KRT72: variants seen among roughly 807,000 people sequenced by gnomAD.
KRT72 encodes the protein keratin, type II cytoskeletal 72.
KRT72 carries 44 observed loss-of-function variants against 44.7 expected under a neutral mutation model. The observed-to-expected ratio is 0.98, with a 90% CI of 0.77 to 1.27. The LOEUF (loss-of-function observed/expected upper bound fraction) is 1.27, where lower values mean the gene tolerates loss of function less well. Among genes scored for constraint, KRT72 ranks in the 50% most tolerant of loss-of-function variants. The pLI is 0.00. For missense variants in KRT72, 736 were observed against 667.1 expected, an observed-to-expected ratio of 1.10 and a Z score of -1.14; for synonymous variants, 302 against 280.4, an observed-to-expected ratio of 1.08 and a Z score of -0.77.
At position 52,587,782 on chromosome 12, in the gene KRT72, C is replaced by A; in HGVS notation, c.1159G>T (p.Ala387Ser). Residue 387 changes from alanine to serine, a missense_variant, in exon 7 of 9, where the codon GCC (alanine) becomes TCC (serine). Transcript: ENST00000293745. ...GCGCCCTCCAGCTCATCCAGCTTGGCCCGGGCATCTTTCAGGGCGCAGTCC... is the reference window on the plus strand; with the variant it reads ...GCGCCCTCCAGCTCATCCAGCTTGGACCGGGCATCTTTCAGGGCGCAGTCC... The part of the protein sequence containing the change: ...RGDCALKDAR[A>S]KLDELEGALH... 1.1e-5 allele frequency: 18 copies of A among 1,614,048 alleles called. No individual in the cohort carries two copies. The highest frequency in any genetic ancestry group is 1.5e-5 in the Non-Finnish European group (18 of 1,180,028).
intron 1 of KRT72, among the ~76,000 whole-genome samples, chr12:52,600,656 A>T (rs1940401085): frequency 6.6e-6 from 1 of 151,440 alleles, no homozygotes; most frequent in African/African-American, 2.4e-5. Context: ...GCCATATAAG[A>T]CGTGACTTTG....
At chr12:52,590,813 T>C (rs1565616541) in intron 6 of KRT72, 23 bp downstream of exon 6, 2 of 1,558,158 alleles carry the variant, frequency 1.3e-6, no homozygotes, top group South Asian at 2.4e-5. Flanking sequence ...ATACTGTTAG[T>C]GGATTAATTT....
At position 52,586,147 on chromosome 12, in the gene KRT72, C is replaced by T. The variant is rs756396661; in HGVS notation, c.1371G>A (p.Gly457=). 7.6e-5 allele frequency: 122 copies of T among 1,613,906 alleles called. No individual in the cohort carries two copies. Among genetic ancestry groups the T allele is most frequent in the Non-Finnish European group, 1.0e-4 (121 of 1,179,994 alleles). The change falls in exon 9 of 9, where the codon GGG becomes GGA. Residue 457 remains glycine, a synonymous_variant. Coordinates refer to ENST00000293745, the MANE Select transcript of KRT72 (RefSeq NM_080747.3). ...CCATGCTGAAGCCAGCCCCTCCTGC[C>T]CCAGCATTGGTGCTGCTGATGACGG... The part of the protein sequence containing the change: ...SISVISSTNA[G]AGGAGFSMGF...
chr12:52,594,386 T>C (rs1228972140), intron 2 of KRT72, among the ~76,000 whole-genome samples: 2 of 152,158 alleles, frequency 1.3e-5, no homozygotes, highest in African/African-American at 4.8e-5. Flanking sequence ...TAGACTGGAT[T>C]AAGAAAATGC....
intron 4 of KRT72, among the ~76,000 whole-genome samples, chr12:52,592,175 G>A (rs139181001): frequency 6.1e-4 from 93 of 152,264 alleles, no homozygotes; most frequent in African/African-American, 2.2e-3. Flanking sequence ...TTCCTGCCAA[G>A]CTGTGAACTC....
Position 52,599,072 on chromosome 12 carries a change from T to C in KRT72, c.467A>G (p.Lys156Arg), listed in dbSNP as rs1424846013. The change falls in exon 2 of 9, where the codon AAG (lysine) becomes AGG (arginine). Residue 156 changes from lysine (K) to arginine (R), a missense_variant. Coordinates refer to ENST00000293745, the MANE Select transcript of KRT72 (RefSeq NM_080747.3). ...LEQQNQVLET[K>R]WNLLQQLDLN... ...GTCCAGCTGCTGTAGGAGGTTCCAC[T>C]TGGTCTCTAGCACCTGATTCTGCTG... 2.5e-6 allele frequency: 4 copies of C among 1,614,050 alleles called. No individual in the cohort carries two copies. Among genetic ancestry groups the C allele is most frequent in the African/African-American group, 1.3e-5 (1 of 74,908 alleles).
chr12:52,592,285 G>T, intron 4 of KRT72, 111 bp downstream of exon 4: 1 of 759,850 alleles, frequency 1.3e-6, no homozygotes, highest in Non-Finnish European at 2.3e-6. Flanking sequence ...GGGGCACCAG[G>T]TTGAAAGCTT....
Position 52,586,009 on chromosome 12 carries a change from G to A in KRT72, c.1509C>T (p.Ser503=). 2 of 1,613,832 alleles carry A rather than the reference G, an allele frequency of 1.2e-6. No individual in the cohort carries two copies. Among genetic ancestry groups the A allele is most frequent in the Non-Finnish European group, 1.7e-6 (2 of 1,179,872 alleles). Residue 503 remains serine, a synonymous_variant, in exon 9 of 9, where the codon AGC becomes AGT. Transcript: ENST00000293745. ...KDPLAKTSGS[S]CATKKASR ...ATCTGGAGGCCTTTTTGGTGGCACA[G>A]CTGCTCCCCGAGGTTTTGGCAAGGG...
At position 52,586,043 on chromosome 12, in the gene KRT72, A is replaced by C. The variant is rs1187269827; in HGVS notation, c.1475T>G (p.Leu492Arg). 6.2e-7 allele frequency: 1 copy of C among 1,614,050 alleles called. No homozygotes were observed. The highest frequency in any genetic ancestry group is 2.2e-5 in the East Asian group (1 of 44,886). The change falls in exon 9 of 9, where the codon CTC becomes CGC. Residue 492 changes from leucine to arginine, a missense_variant. By Grantham distance (102) the Leu-to-Arg change is moderately radical (BLOSUM62 -2). Coordinates refer to ENST00000293745, the MANE Select transcript of KRT72 (RefSeq NM_080747.3). ...CGAGGTTTTGGCAAGGGGATCCTTG[A>C]GCTCACTGCCACAGCTGCCTTTGGT... is the stretch of plus-strand genomic sequence containing the variant. Reference protein sequence around the residue: ...VKTKGSCGSELKDPLAKTSGS... With the variant: ...VKTKGSCGSERKDPLAKTSGS...
Position 52,586,004 on chromosome 12 carries a change from G to C in KRT72, c.1514C>G (p.Ala505Gly), listed in dbSNP as rs764365337. 6.2e-7 allele frequency: 1 copy of C among 1,613,096 alleles called. No homozygotes were observed. Among genetic ancestry groups the C allele is most frequent in the Non-Finnish European group, 8.5e-7 (1 of 1,179,624 alleles). ...PLAKTSGSSCATKKASR is the reference protein window; with the variant it reads ...PLAKTSGSSCGTKKASR ...CCATCATCTGGAGGCCTTTTTGGTG[G>C]CACAGCTGCTCCCCGAGGTTTTGGC... is the stretch of plus-strand genomic sequence containing the variant. Residue 505 changes from alanine to glycine, a missense_variant, in exon 9 of 9, where the codon GCC (alanine) becomes GGC (glycine). Coordinates refer to ENST00000293745, the MANE Select transcript of KRT72 (RefSeq NM_080747.3).
At chr12:52,602,529 T>C (rs1416870595), upstream of KRT72, among the ~76,000 whole-genome samples, 4 of 152,316 alleles carry the variant, frequency 2.6e-5, no homozygotes, top group East Asian at 7.7e-4. Flanking sequence ...TAGCAACAGC[T>C]CTCCTGTTCC....
chr12:52,599,617 C>T (rs1940342835), intron 1 of KRT72, among the ~76,000 whole-genome samples: 1 of 152,186 alleles, frequency 6.6e-6, no homozygotes, highest in Non-Finnish European at 1.5e-5. Flanking sequence ...TCAATAACTC[C>T]AAGCCCTCTG....
chr12:52,590,345 C>T (rs1207782548), intron 6 of KRT72, among the ~76,000 whole-genome samples: 6 of 152,204 alleles, frequency 3.9e-5, no homozygotes, highest in Admixed American at 3.9e-4. Context: ...GCTGGATTCT[C>T]TCTCCTCCCA....
In KRT72 at chr12:52,598,943, G is replaced by A. The variant is rs1402669376; in HGVS notation, c.596C>T (p.Ser199Leu). 8 of 1,613,954 alleles carry A rather than the reference G, an allele frequency of 5.0e-6. No homozygotes were observed. The highest frequency in any genetic ancestry group is 2.7e-5 in the African/African-American group (2 of 74,886). The change falls in exon 2 of 9, where the codon TCG becomes TTG. Residue 199 changes from serine (S) to leucine (L), a missense_variant. Ser to Leu is a moderately radical substitution (Grantham distance 145). Coordinates refer to ENST00000293745, the MANE Select transcript of KRT72 (RefSeq NM_080747.3). ...MLSGDGVRLD[S>L]ELRNMQDLVE... ...CAAATCCTGCATGTTCCTCAGCTCC[G>A]AATCCAGCCTCACCCCGTCCCCAGA...
intron 5 of KRT72, 126 bp from the exon 6 acceptor site, chr12:52,591,087 G>T: frequency 1.1e-6 from 1 of 939,004 alleles, no homozygotes; most frequent in Non-Finnish European, 1.5e-6. Flanking sequence ...AAACATGAGA[G>T]CCTTGGCAGA....
At chr12:52,593,170 T>C (rs1940113859) in intron 2 of KRT72, among the ~76,000 whole-genome samples, 1 of 152,230 alleles carries the variant, frequency 6.6e-6, no homozygotes, top group Admixed American at 6.5e-5. Flanking sequence ...GTCTTAAAAC[T>C]ACCTGCCTCA....
Position 52,592,969 on chromosome 12 carries a change from A to T in KRT72, c.642-17T>A. On this transcript the variant is annotated splice_polypyrimidine_tract_variant and intron_variant, in intron 2 of 8. Transcript: ENST00000293745. The stretch of plus-strand genomic sequence containing the variant: ...ACCTCATACCTGCATGGGGCAAGAC[A>T]ATGAGGTAATTCAGTTCTGCAAACA... The T allele has an allele frequency of 6.2e-7, 1 of 1,609,152 alleles. No homozygotes were observed. The highest frequency in any genetic ancestry group is 8.5e-7 in the Non-Finnish European group (1 of 1,177,438).
At chr12:52,588,509 G>C (rs1004215924) in intron 6 of KRT72, among the ~76,000 whole-genome samples, 1 of 152,108 alleles carries the variant, frequency 6.6e-6, no homozygotes, top group African/African-American at 2.4e-5. Flanking sequence ...GGCAGGTGGA[G>C]GGAGATAGAA....
intron 4 of KRT72, among the ~76,000 whole-genome samples, chr12:52,591,940 C>T (rs1940049561): frequency 1.3e-5 from 2 of 152,158 alleles, no homozygotes; most frequent in African/African-American, 4.8e-5. Context: ...ATGTGAAGTC[C>T]CCTAGGGAGT....
Sources: gnomAD v4.1 joint callset for allele counts (sites outside exome capture counted in the v4.1 genomes callset) on GRCh38, gnomAD v4.1.1 for gene constraint, MANE v1.5 for transcripts, NCBI Gene and HGNC (gene_info 2026-07-23, HGNC 2026-07-21) for gene names.